The following RAP1B variants were observed in gnomAD, a reference collection of about 807,000 sequenced individuals.
RAP1B encodes RAP1B, member of RAS oncogene family.
Under a neutral mutation model 27.5 loss-of-function variants are expected in RAP1B, and 1 was observed. The observed-to-expected ratio is 0.04, with a 90% CI of 0.01 to 0.17. RAP1B has a LOEUF of 0.17. Among genes scored for constraint, RAP1B ranks in the 10% least tolerant of loss-of-function variants. The pLI, the probability that RAP1B is intolerant of heterozygous loss-of-function variation, is 1.00. For synonymous variants in RAP1B, 75 were observed against 73.1 expected (o/e 1.03, Z -0.13); for missense variants, 84 against 214.8 (o/e 0.39, Z 3.81).
intron 1 of RAP1B, among the ~76,000 whole-genome samples, chr12:68,635,679 T>A (rs1872583706): frequency 6.6e-6 from 1 of 152,002 alleles, no homozygotes; most frequent in African/African-American, 2.4e-5. Flanking sequence ...GGTCTCGAAC[T>A]CCTGACCTCA....
chr12:68,612,638 A>G (rs1222100270), intron 1 of RAP1B, among the ~76,000 whole-genome samples: 1 of 152,220 alleles, frequency 6.6e-6, no homozygotes, highest in Non-Finnish European at 1.5e-5. Flanking sequence ...GCACTTTTAA[A>G]AAGTGGGTAC....
At position 68,621,679 on chromosome 12, in the gene RAP1B, C is replaced by T. The variant is rs190067762; in HGVS notation, c.-27+10636C>T. 5.9e-5 allele frequency among the ~76,000 whole-genome samples: 9 copies of T among 152,312 alleles called. No homozygotes were observed. In the East Asian group the frequency reaches 1.7e-3, roughly 29 times the overall value. On this transcript the variant is annotated intron_variant, in intron 1 of 7. Transcript: ENST00000250559. ...TGCAGGACTACTGTTAAAAGCAATT[C>T]ACTTCACAGTTCTGGTCAACAGGAA...
intron 1 of RAP1B, among the ~76,000 whole-genome samples, chr12:68,637,252 G>A (rs1406831106): frequency 6.6e-6 from 1 of 152,024 alleles, no homozygotes; most frequent in African/African-American, 2.4e-5. Context: ...TTCTTAATCT[G>A]TCCATCAACT....
chr12:68,644,087 C>T (rs1873221847), intron 1 of RAP1B, among the ~76,000 whole-genome samples: 1 of 152,088 alleles, frequency 6.6e-6, no homozygotes, highest in Non-Finnish European at 1.5e-5. Flanking sequence ...ATTAAGACTT[C>T]TGTGATTAAT....
At position 68,668,565 on chromosome 12, in the gene RAP1B, A is replaced by G. The variant is rs902172291; in HGVS notation, c.*9316A>G. ...AAACAGATTTAATGTCTAAACTTAA[A>G]TCTAGTTTGACATTAACTTCTTTTC... On this transcript the variant is annotated 3_prime_UTR_variant, in exon 8 of 8. Transcript: ENST00000250559. The G allele has an allele frequency of 3.3e-5, 5 of 152,202 alleles. No homozygotes were observed. Among genetic ancestry groups the G allele is most frequent in the African/African-American group, 1.2e-4 (5 of 41,460 alleles). The allele number at this position is 152,202 out of a possible 1,614,324, so 9.4% of individuals were successfully genotyped here.
intron 1 of RAP1B, among the ~76,000 whole-genome samples, chr12:68,626,469 A>T (rs11829845): frequency 1.3e-5 from 2 of 152,108 alleles, no homozygotes; most frequent in African/African-American, 4.8e-5. Context: ...TAAATTTTGG[A>T]CATAGAGAAC....
chr12:68,644,897 G>A (rs1873292735), intron 1 of RAP1B, among the ~76,000 whole-genome samples: 1 of 151,778 alleles, frequency 6.6e-6, no homozygotes. Flanking sequence ...TGGCCAGGCT[G>A]GTCTTGAACT....
chr12:68,658,708 G>C (rs926918065), intron 7 of RAP1B, among the ~76,000 whole-genome samples: 3 of 152,020 alleles, frequency 2.0e-5, no homozygotes, highest in African/African-American at 7.3e-5. Context: ...ATTATATAAC[G>C]TGATTGTAAA....
Position 68,652,093 on chromosome 12 carries a change from A to G in RAP1B, c.183+42A>G, listed in dbSNP as rs777495444. On this transcript the variant is annotated intron_variant, in intron 4 of 7. Transcript: ENST00000250559. Reference sequence around the variant, plus strand: ...ACCAAAGTATATACACCGTTTGTACAGTATTGACTTCATAAATGCTAGTAC... The same window carrying G: ...ACCAAAGTATATACACCGTTTGTACGGTATTGACTTCATAAATGCTAGTAC... 4.3e-4 allele frequency: 610 copies of G among 1,426,182 alleles called. 5 individuals are homozygous for G. Among genetic ancestry groups the G allele is most frequent in the Non-Finnish European group, 6.0e-5 (61 of 1,018,032 alleles). The allele number at this position is 1,426,182 out of a possible 1,614,324, so 88.3% of individuals were successfully genotyped here.
chr12:68,655,027 C>T (rs1000417570), intron 5 of RAP1B, among the ~76,000 whole-genome samples: 34 of 152,004 alleles, frequency 2.2e-4, no homozygotes. Context: ...CTGTAAGAAC[C>T]AGGCTGGGCA....
chr12:68,641,310 T>A (rs550041505), intron 1 of RAP1B, among the ~76,000 whole-genome samples: 2 of 152,304 alleles, frequency 1.3e-5, no homozygotes, highest in South Asian at 4.1e-4. Context: ...CACCACCCCC[T>A]TCTTCCACTT....
At chr12:68,640,127 C>T (rs183572397) in intron 1 of RAP1B, among the ~76,000 whole-genome samples, 1 of 152,168 alleles carries the variant, frequency 6.6e-6, no homozygotes, top group Non-Finnish European at 1.5e-5. Context: ...GCATGAGCCA[C>T]CATGCCCGGC....
chr12:68,625,125 C>T (rs1046989260), intron 1 of RAP1B, among the ~76,000 whole-genome samples: 1 of 152,186 alleles, frequency 6.6e-6, no homozygotes, highest in South Asian at 2.1e-4. Flanking sequence ...TTTTTTGGAG[C>T]TACTTTAAGT....
chr12:68,622,929 TG>T (rs1454838234), intron 1 of RAP1B, among the ~76,000 whole-genome samples: 8 of 152,222 alleles, frequency 5.3e-5, no homozygotes, highest in African/African-American at 1.4e-4. Flanking sequence ...CTGGAACTAC[TG>T]GGCTCAAGGA....
chr12:68,636,142 C>T (rs1170561806), intron 1 of RAP1B, among the ~76,000 whole-genome samples: 1 of 152,028 alleles, frequency 6.6e-6, no homozygotes, highest in Non-Finnish European at 1.5e-5. Flanking sequence ...GCCTTGGCCT[C>T]CCAAAGTCCT....
chr12:68,633,694 C>T (rs1210796184), intron 1 of RAP1B, among the ~76,000 whole-genome samples: 1 of 151,940 alleles, frequency 6.6e-6, no homozygotes, highest in African/African-American at 2.4e-5. Context: ...TGTGGTGAAA[C>T]CCCGTCTCTA....
At chr12:68,624,949 C>T (rs1018301479) in intron 1 of RAP1B, 4 of 152,262 alleles carry the variant, frequency 2.6e-5, no homozygotes, top group Non-Finnish European at 5.9e-5. Flanking sequence ...ATGTGTTCTT[C>T]AGATGCTCTG....
rs1873330822 is a variant in RAP1B, at chr12:68,645,356, G to T, written c.-26-3343G>T. Among the ~76,000 whole-genome samples the T allele has an allele frequency of 1.3e-5, 2 of 152,210 alleles. 1 individual carries two copies. Among genetic ancestry groups the T allele is most frequent in the Admixed American group, 1.3e-4 (2 of 15,288 alleles). ...TGTGCTGTCAAAATTGTCCCCCCAT[G>T]GGGTTCTGTGAAAGAGAACAATTAG... is the stretch of plus-strand genomic sequence containing the variant. On this transcript the variant is annotated intron_variant, in intron 1 of 7. Coordinates refer to ENST00000250559, the MANE Select transcript of RAP1B (RefSeq NM_001010942.3).
At chr12:68,632,029 C>T (rs1170566248) in intron 1 of RAP1B, among the ~76,000 whole-genome samples, 1 of 151,054 alleles carries the variant, frequency 6.6e-6, no homozygotes, top group Non-Finnish European at 1.5e-5. Flanking sequence ...ATCTTTTTTG[C>T]ATATCAGTGC....
Sources: gnomAD v4.1 joint callset for allele counts (sites outside exome capture counted in the v4.1 genomes callset) on GRCh38, gnomAD v4.1.1 for gene constraint, MANE v1.5 for transcripts, NCBI Gene and HGNC (gene_info 2026-07-23, HGNC 2026-07-21) for gene names.